The following ZYG11A variants were observed in gnomAD, a reference collection of about 807,000 sequenced individuals.
The protein encoded by ZYG11A is zyg-11 family member A, cell cycle regulator.
Under a neutral mutation model 77.2 loss-of-function variants are expected in ZYG11A, and 62 were observed. The ratio of observed to expected loss-of-function variants is 0.80; its 90% confidence interval spans 0.65 to 0.99. The LOEUF is 0.99. ZYG11A is among the 50% of genes least tolerant of loss of function. The probability of loss-of-function intolerance (pLI) is 0.00; values close to 1 mark genes in which losing one functional copy is unlikely to be tolerated. For synonymous variants in ZYG11A, 315 were observed against 324.6 expected (o/e 0.97, Z 0.32); for missense variants, 828 against 896.8 (o/e 0.92, Z 0.98).
chr1:52,842,962 T>C lies in ZYG11A; in HGVS notation c.79T>C (p.Cys27Arg). ...CGCTCAGAAGGATGCCCTGGGCTGC[T>C]GCGTGGTACAGGTGAGCACCGGGGT... is the stretch of plus-strand genomic sequence containing the variant. ...PDAQKDALGC[C>R]VVQEEASPYT... Residue 27 changes from cysteine (C) to arginine (R), a missense_variant, in exon 1 of 14, where the codon TGC becomes CGC. Physicochemically the swap from Cys to Arg is radical, Grantham distance 180. Coordinates refer to ENST00000371528, the MANE Select transcript of ZYG11A (RefSeq NM_001004339.3). 1 of 1,528,908 alleles carries C rather than the reference T, an allele frequency of 6.5e-7. No individual in the cohort carries two copies. The highest frequency in any genetic ancestry group is 1.2e-5 in the South Asian group (1 of 81,452). The allele number at this position is 1,528,908 out of a possible 1,614,324, so 94.7% of individuals were successfully genotyped here. A position where few individuals can be genotyped will look rare whatever the true frequency, so the allele number is the denominator to read the frequency against.
At chr1:52,886,735 C>T (rs479569) in intron 12 of ZYG11A, among the ~76,000 whole-genome samples, 59,193 of 118,282 alleles carry the variant, frequency 0.5, 14,977 homozygotes, top group Non-Finnish European at 0.6. Context: ...TTTGTAGAGA[C>T]GGGGGCTCAC....
At chr1:52,878,019 A>C in intron 10 of ZYG11A, 50 bp downstream of exon 10, 1 of 1,461,082 alleles carries the variant, frequency 6.8e-7, no homozygotes, top group Admixed American at 2.0e-5. Context: ...AGCAAAACCT[A>C]ACACTTATAT....
chr1:52,864,899 C>T (rs1324299821), intron 5 of ZYG11A, among the ~76,000 whole-genome samples: 1 of 151,504 alleles, frequency 6.6e-6, no homozygotes, highest in African/African-American at 2.4e-5. Context: ...GATCTGCCCA[C>T]CTTGGTGTCC....
chr1:52,884,671 T>C (rs533680795), intron 11 of ZYG11A, among the ~76,000 whole-genome samples: 2 of 152,084 alleles, frequency 1.3e-5, no homozygotes, highest in South Asian at 4.2e-4. Flanking sequence ...AAAAAAATTA[T>C]AAGCTTAATT....
chr1:52,849,301 C>G (rs1255151858), intron 1 of ZYG11A, among the ~76,000 whole-genome samples: 1 of 152,060 alleles, frequency 6.6e-6, no homozygotes, highest in Admixed American at 6.6e-5. Flanking sequence ...ATCTCCTGAC[C>G]TTGTGATCTG....
intron 5 of ZYG11A, among the ~76,000 whole-genome samples, chr1:52,865,670 C>T (rs981374386): frequency 1.3e-5 from 2 of 151,808 alleles, no homozygotes; most frequent in African/African-American, 4.8e-5. Context: ...GTAGATGAAA[C>T]TCAAAAATGT....
rs372845118 is a variant in ZYG11A at position 52,860,777 on chromosome 1, G to C, written c.1055G>C (p.Arg352Pro). 2.6e-6 allele frequency: 4 copies of C among 1,551,482 alleles called. No homozygotes were observed. Among genetic ancestry groups the C allele is most frequent in the Admixed American group, 3.9e-5 (2 of 50,966 alleles). ...SMSQISEALS[R>P]YRNRSCFVKE... Reference sequence around the variant, plus strand: ...AGTCAGATTTCAGAAGCACTGAGCCGATACAGGAACAGATCATGTTTTGTG... The same window carrying C: ...AGTCAGATTTCAGAAGCACTGAGCCCATACAGGAACAGATCATGTTTTGTG... Residue 352 changes from arginine to proline, a missense_variant, in exon 4 of 14, where the codon CGA becomes CCA. Physicochemically the swap from Arg to Pro is moderately radical, Grantham distance 103. Coordinates refer to ENST00000371528, the MANE Select transcript of ZYG11A (RefSeq NM_001004339.3).
At chr1:52,884,115 G>A (rs1646406130) in intron 11 of ZYG11A, among the ~76,000 whole-genome samples, 1 of 151,724 alleles carries the variant, frequency 6.6e-6, no homozygotes. Flanking sequence ...CCTGACCTTA[G>A]GTCATCCACC....
chr1:52,872,490 A>G (rs984264763), intron 8 of ZYG11A, among the ~76,000 whole-genome samples: 3 of 151,982 alleles, frequency 2.0e-5, no homozygotes, highest in Non-Finnish European at 4.4e-5. Context: ...GGAAGTTAAT[A>G]TTTTCCTGCT....
At chr1:52,843,145 C>G (rs1442295582) in intron 1 of ZYG11A, among the ~76,000 whole-genome samples, 172 bp downstream of exon 1, 1 of 151,890 alleles carries the variant, frequency 6.6e-6, no homozygotes, top group Non-Finnish European at 1.5e-5. Flanking sequence ...TGCGGAGGTG[C>G]GTTGTCGGGG....
intron 1 of ZYG11A, among the ~76,000 whole-genome samples, chr1:52,848,214 G>T (rs1428555545): frequency 6.6e-6 from 1 of 151,958 alleles, no homozygotes; most frequent in African/African-American, 2.4e-5. Flanking sequence ...TGTTGGCCAG[G>T]TGGGTCTTAA....
At chr1:52,863,133 T>A (rs1406027449) in intron 4 of ZYG11A, among the ~76,000 whole-genome samples, 2 of 151,864 alleles carry the variant, frequency 1.3e-5, no homozygotes, top group East Asian at 3.9e-4. Context: ...AATTTAGCAA[T>A]ATACAAAAAA....
chr1:52,858,971 C>T (rs1645870869), intron 3 of ZYG11A, among the ~76,000 whole-genome samples: 1 of 152,082 alleles, frequency 6.6e-6, no homozygotes, highest in Non-Finnish European at 1.5e-5. Context: ...TTAGTTCTTC[C>T]TAGGGGAAGA....
Position 52,857,664 on chromosome 1 carries a change from G to T in ZYG11A, c.923G>T (p.Arg308Leu). 6.4e-7 allele frequency: 1 copy of T among 1,552,126 alleles called. No homozygotes were observed. The change falls in exon 3 of 14, where the codon CGA becomes CTA. Residue 308 changes from arginine (R) to leucine (L), a missense_variant. Coordinates refer to ENST00000371528, the MANE Select transcript of ZYG11A (RefSeq NM_001004339.3). The part of the protein sequence containing the change: ...ITDEAVELFI[R>L]LRPAMQFVGL... ...GATGAAGCTGTAGAACTGTTTATAC[G>T]ACTGCGGCCTGCCATGCAATTTGTG...
chr1:52,854,698 C>CA, intron 2 of ZYG11A, 68 bp downstream of exon 2: 1 of 1,336,960 alleles, frequency 7.5e-7, no homozygotes, highest in Non-Finnish European at 9.9e-7. Flanking sequence ...CTTTTACACA[C>CA]AATTTCTATT....
chr1:52,868,830 A>T (rs1646080165), intron 8 of ZYG11A, among the ~76,000 whole-genome samples: 1 of 151,998 alleles, frequency 6.6e-6, no homozygotes, highest in African/African-American at 2.4e-5. Context: ...TTCTGTACTT[A>T]TTTTTTTATT....
intron 1 of ZYG11A, 86 bp from the exon 2 acceptor site, chr1:52,854,379 A>G: frequency 1.6e-6 from 2 of 1,236,296 alleles, no homozygotes; most frequent in Non-Finnish European, 2.2e-6. Flanking sequence ...ACTCTCATCA[A>G]GTGGAATAGG....
intron 1 of ZYG11A, among the ~76,000 whole-genome samples, chr1:52,847,847 TA>T (rs1441268151): frequency 0.014 from 1,254 of 89,852 alleles, 23 homozygotes; most frequent in African/African-American, 0.042. Context: ...TTTATTTATT[TA>T]TTTATTTATT....
chr1:52,876,639 C>T (rs1319203719), intron 8 of ZYG11A, among the ~76,000 whole-genome samples: 3 of 152,164 alleles, frequency 2.0e-5, no homozygotes, highest in African/African-American at 7.2e-5. Flanking sequence ...TGCTCCTGGC[C>T]TTGCTCTCAT....
Sources: gnomAD v4.1 joint callset for allele counts (sites outside exome capture counted in the v4.1 genomes callset) on GRCh38, gnomAD v4.1.1 for gene constraint, MANE v1.5 for transcripts, NCBI Gene and HGNC (gene_info 2026-07-23, HGNC 2026-07-21) for gene names.